INPP4B: variants seen among roughly 807,000 people sequenced by gnomAD.
INPP4B encodes inositol polyphosphate-4-phosphatase type II B.
A neutral mutation model predicts 122.5 loss-of-function variants in INPP4B; 55 were observed. The ratio of observed to expected loss-of-function variants is 0.45; its 90% CI spans 0.36 to 0.56. The LOEUF is 0.56. Among genes scored for constraint, INPP4B ranks in the 20% least tolerant of loss-of-function variants. The probability of loss-of-function intolerance (pLI) is 0.00; values close to 1 mark genes in which losing one functional copy is unlikely to be tolerated. For synonymous variants in INPP4B, 403 were observed against 388.7 expected, an observed-to-expected ratio of 1.04 and a Z score of -0.43; for missense variants, 1,000 against 1,097.7, an observed-to-expected ratio of 0.91 and a Z score of 1.26.
chr4:142,154,530 G>C (rs1402919541), intron 17 of INPP4B, among the ~76,000 whole-genome samples: 1 of 151,992 alleles, frequency 6.6e-6, no homozygotes, highest in Non-Finnish European at 1.5e-5. Context: ...AGGGAGAGGG[G>C]GATATTTTGC....
At position 142,661,226 on chromosome 4, in the gene INPP4B, G is replaced by A. The variant is rs538168692; in HGVS notation, c.-191+64613C>T. Among the ~76,000 whole-genome samples the A allele has an allele frequency of 1.1e-4, 17 of 152,270 alleles. No individual in the cohort carries two copies. In the South Asian group the frequency reaches 3.1e-3, roughly 28 times the overall value. ...TGAGGCTAAATTTTTGTGGCCTTGG[G>A]ATGGACAAGAACCCAGTCTTTAGCT... On this transcript the variant is annotated intron_variant, in intron 2 of 25. Coordinates refer to ENST00000262992, the MANE Select transcript of INPP4B (RefSeq NM_001101669.3).
chr4:142,783,247 A>T lies in INPP4B; in HGVS notation c.-253-57346T>A, dbSNP rs535372881. 1.3e-3 allele frequency among the ~76,000 whole-genome samples: 193 copies of T among 152,186 alleles called. 1 individual carries two copies. The highest frequency in any genetic ancestry group is 4.6e-3 in the African/African-American group (191 of 41,520). The stretch of plus-strand genomic sequence containing the variant: ...CAGGCAACCTATAAAATGGGAGAAA[A>T]TTTTTGCAATATACTCATCTGACAA... On this transcript the variant is annotated intron_variant, in intron 1 of 25. Transcript: ENST00000262992.
At position 142,735,006 on chromosome 4, in the gene INPP4B, T is replaced by A. The variant is rs143830811; in HGVS notation, c.-253-9105A>T. Among the ~76,000 whole-genome samples the A allele has an allele frequency of 1.8e-4, 27 of 152,300 alleles. No individual in the cohort carries two copies. The East Asian group carries it at 5.0e-3, about 28-fold the overall frequency. ...AGAAGAAATAAAAGGAAGCTTTCAA[T>A]CTGCAGGTGTTCTTCATTAGCACTA... On this transcript the variant is annotated intron_variant, in intron 1 of 25. Coordinates refer to ENST00000262992, the MANE Select transcript of INPP4B (RefSeq NM_001101669.3).
intron 2 of INPP4B, among the ~76,000 whole-genome samples, chr4:142,677,828 A>G (rs1339788859): frequency 6.6e-6 from 1 of 151,894 alleles, no homozygotes; most frequent in Non-Finnish European, 1.5e-5. Context: ...AACATCATAT[A>G]CTGGGGTCTG....
intron 15 of INPP4B, among the ~76,000 whole-genome samples, chr4:142,184,408 T>C (rs1832243265): frequency 6.6e-6 from 1 of 152,232 alleles, no homozygotes; most frequent in African/African-American, 2.4e-5. Context: ...CTATAAGACA[T>C]TTTCCACAAG....
At chr4:142,450,984 C>CCA (rs1554056785) in intron 3 of INPP4B, among the ~76,000 whole-genome samples, 7 of 150,810 alleles carry the variant, frequency 4.6e-5, no homozygotes, top group African/African-American at 4.9e-5. Flanking sequence ...CTCCCCCCCC[C>CCA]AAAAAAAGTA....
chr4:142,716,378 T>C (rs1027824131), intron 2 of INPP4B, among the ~76,000 whole-genome samples: 4 of 152,248 alleles, frequency 2.6e-5, no homozygotes, highest in Non-Finnish European at 5.9e-5. Flanking sequence ...GTGACCCAAA[T>C]GATACTATCG....
At chr4:142,273,249 T>A (rs1209309838) in intron 9 of INPP4B, among the ~76,000 whole-genome samples, 1 of 151,966 alleles carries the variant, frequency 6.6e-6, no homozygotes, top group Non-Finnish European at 1.5e-5. Flanking sequence ...ATCCTAATGG[T>A]AGTATTGGAA....
intron 25 of INPP4B, among the ~76,000 whole-genome samples, chr4:142,047,021 C>G (rs1333029493): frequency 6.6e-6 from 1 of 152,038 alleles, no homozygotes; most frequent in Non-Finnish European, 1.5e-5. Flanking sequence ...TCCTCTCTCT[C>G]TCTCTTTTTA....
intron 1 of INPP4B, among the ~76,000 whole-genome samples, chr4:142,768,259 C>A (rs1459186846): frequency 6.6e-6 from 1 of 152,100 alleles, no homozygotes; most frequent in African/African-American, 2.4e-5. Context: ...AAAATAATAA[C>A]AATAAATTAA....
At position 142,290,195 on chromosome 4, in the gene INPP4B, CTTTTTTTTT is replaced by C. The variant is rs35260066; in HGVS notation, c.503+15254_503+15262del. 5.1e-3 allele frequency among the ~76,000 whole-genome samples: 393 copies of C among 77,494 alleles called. 1 individual carries two copies. Among genetic ancestry groups the C allele is most frequent in the African/African-American group, 0.022 (339 of 15,134 alleles). The allele number at this position is 77,494 out of a possible 152,430, so 50.8% of individuals were successfully genotyped here. A position where few individuals can be genotyped will look rare whatever the true frequency, so the allele number is the denominator to read the frequency against. On this transcript the variant is annotated intron_variant, in intron 9 of 25. Coordinates refer to ENST00000262992, the MANE Select transcript of INPP4B (RefSeq NM_001101669.3). ...CCACCTTGGCCTTATTTCTTTCTTC[CTTTTTTTTT>C]TTTTTTTTTTTTTTTTTTTTGAGAT...
intron 16 of INPP4B, among the ~76,000 whole-genome samples, chr4:142,163,985 GT>G: frequency 6.6e-6 from 1 of 151,856 alleles, no homozygotes; most frequent in Non-Finnish European, 1.5e-5. Flanking sequence ...ATAATATCGT[GT>G]AAAAAGAATA....
intron 17 of INPP4B, among the ~76,000 whole-genome samples, chr4:142,152,114 C>G (rs1814408513): frequency 7.7e-6 from 1 of 129,614 alleles, no homozygotes; most frequent in Non-Finnish European, 1.5e-5. Context: ...CGCTCTGTCC[C>G]CCAGGCTGGA....
intron 2 of INPP4B, among the ~76,000 whole-genome samples, chr4:142,481,006 G>A (rs760910054): frequency 7.3e-5 from 11 of 151,576 alleles, no homozygotes; most frequent in Non-Finnish European, 1.3e-4. Flanking sequence ...ATGGTGGCAC[G>A]AACCTATAGT....
intron 18 of INPP4B, among the ~76,000 whole-genome samples, chr4:142,131,259 G>C (rs1211500349): frequency 6.6e-6 from 1 of 152,186 alleles, no homozygotes; most frequent in East Asian, 1.9e-4. Context: ...GTCTACATCA[G>C]TGAGCTCCTG....
At chr4:142,620,442 G>T (rs1338864949) in intron 2 of INPP4B, among the ~76,000 whole-genome samples, 1 of 151,882 alleles carries the variant, frequency 6.6e-6, no homozygotes, top group Non-Finnish European at 1.5e-5. Context: ...TTATAAATGG[G>T]ACCTATACTT....
At chr4:142,398,445 T>TATATATAA (rs749321202) in intron 7 of INPP4B, among the ~76,000 whole-genome samples, 9 of 74,560 alleles carry the variant, frequency 1.2e-4, no homozygotes, top group African/African-American at 5.1e-4. Flanking sequence ...TATATATATA[T>TATATATAA]AAAACATATT....
chr4:142,640,019 A>G (rs962456458), intron 2 of INPP4B, among the ~76,000 whole-genome samples: 2 of 152,154 alleles, frequency 1.3e-5, no homozygotes, highest in Non-Finnish European at 2.9e-5. Context: ...ATCATAATTC[A>G]GTAATAATAT....
chr4:142,384,115 A>G (rs1462564448), intron 7 of INPP4B: 3 of 702,150 alleles, frequency 4.3e-6, no homozygotes, highest in Non-Finnish European at 7.8e-6. Context: ...TGAGTTAGCT[A>G]TCTTGGGAAG....
Sources: gnomAD v4.1 joint callset for allele counts (sites outside exome capture counted in the v4.1 genomes callset) on GRCh38, gnomAD v4.1.1 for gene constraint, MANE v1.5 for transcripts, NCBI Gene and HGNC (gene_info 2026-07-23, HGNC 2026-07-21) for gene names.